Variants in PCDHA9 observed in about 807,000 individuals in gnomAD.
The protein encoded by PCDHA9 is protocadherin alpha-9.
Under a neutral mutation model 62.0 loss-of-function variants are expected in PCDHA9, and 62 were observed. The ratio of observed to expected loss-of-function variants is 1.00; its 90% CI spans 0.81 to 1.23. PCDHA9 has a LOEUF of 1.23. PCDHA9 is among the 50% of genes most tolerant of loss of function. The pLI is 0.00. For synonymous variants in PCDHA9, 557 were observed against 567.6 expected (o/e 0.98, Z 0.27); for missense variants, 1,205 against 1,249.8 (o/e 0.96, Z 0.54).
At position 140,944,281 on chromosome 5, in the gene PCDHA9, G is replaced by A. The variant is rs987563636; in HGVS notation, c.2395-34668G>A. ...CTGCTCACTGCAGCCTTGACACCCC[G>A]GGCTCAAGCGATCCTCCTACCTCAG... On this transcript the variant is annotated intron_variant, in intron 1 of 3. Coordinates refer to ENST00000532602, the MANE Select transcript of PCDHA9 (RefSeq NM_031857.2). Among the ~76,000 whole-genome samples, 18 of 152,138 alleles carry A rather than the reference G, an allele frequency of 1.2e-4. No individual in the cohort carries two copies. The Middle Eastern group carries it at 0.014, about 115-fold the overall frequency.
At chr5:140,887,692 A>G (rs886236141) in intron 1 of PCDHA9, among the ~76,000 whole-genome samples, 1 of 152,126 alleles carries the variant, frequency 6.6e-6, no homozygotes, top group Non-Finnish European at 1.5e-5. Flanking sequence ...ATTCAGGAAA[A>G]AATCAACCAT....
At chr5:140,984,295 A>C (rs1195087908) in intron 3 of PCDHA9, among the ~76,000 whole-genome samples, 3 of 152,208 alleles carry the variant, frequency 2.0e-5, no homozygotes, top group African/African-American at 7.2e-5. Flanking sequence ...CCCATTGGTG[A>C]TGCTGGTTGG....
chr5:140,956,707 C>T (rs1461272130), intron 1 of PCDHA9, among the ~76,000 whole-genome samples: 9 of 152,120 alleles, frequency 5.9e-5, no homozygotes, highest in Non-Finnish European at 1.3e-4. Flanking sequence ...TTTGGAATAG[C>T]TTCAGAAGAA....
intron 1 of PCDHA9, chr5:140,877,568 A>G (rs782021677): frequency 1.9e-6 from 3 of 1,613,708 alleles, no homozygotes; most frequent in Non-Finnish European, 1.7e-6. Context: ...ATTAACGTGT[A>G]CCTCATCATC....
At chr5:140,952,955 A>G (rs1244776708) in intron 1 of PCDHA9, among the ~76,000 whole-genome samples, 1 of 152,044 alleles carries the variant, frequency 6.6e-6, no homozygotes, top group Non-Finnish European at 1.5e-5. Context: ...AGAAGGGGGA[A>G]GTGATACACA....
intron 1 of PCDHA9, among the ~76,000 whole-genome samples, chr5:140,960,655 T>C (rs2153725891): frequency 6.6e-6 from 1 of 152,296 alleles, no homozygotes; most frequent in East Asian, 1.9e-4. Context: ...TCCAAATCAA[T>C]GAATGCTTTG....
At chr5:140,947,083 A>G (rs1268359945) in intron 1 of PCDHA9, among the ~76,000 whole-genome samples, 2 of 151,728 alleles carry the variant, frequency 1.3e-5, no homozygotes, top group Non-Finnish European at 3.0e-5. Context: ...TTGAAACATC[A>G]GACTGTAGCC....
intron 1 of PCDHA9, chr5:140,882,794 G>C: frequency 6.2e-7 from 1 of 1,614,188 alleles, no homozygotes; most frequent in Non-Finnish European, 8.5e-7. Context: ...GGATCCCAAC[G>C]ATTATTTCAC....
chr5:140,942,669 A>G (rs2093352340), intron 1 of PCDHA9, among the ~76,000 whole-genome samples: 1 of 152,212 alleles, frequency 6.6e-6, no homozygotes, highest in South Asian at 2.1e-4. Flanking sequence ...AATAAGCACA[A>G]AAGTTTTAGG....
At position 140,992,285 on chromosome 5, in the gene PCDHA9, A is replaced by G. The variant is rs114469876; in HGVS notation, c.2542+9722A>G. On this transcript the variant is annotated intron_variant, in intron 3 of 3. Transcript: ENST00000532602. ...AGTTCTTTTCGTAGCACATCCCTGCAAAGGATGGGAGTATTGTTTTGGTGG... is the reference window on the plus strand; with the variant it reads ...AGTTCTTTTCGTAGCACATCCCTGCGAAGGATGGGAGTATTGTTTTGGTGG... 2.6e-3 allele frequency among the ~76,000 whole-genome samples: 395 copies of G among 152,336 alleles called. 1 individual carries two copies. The highest frequency in any genetic ancestry group is 8.7e-3 in the African/African-American group (360 of 41,578).
intron 1 of PCDHA9, chr5:140,876,058 C>T (rs781906188): frequency 6.2e-7 from 1 of 1,613,868 alleles, no homozygotes; most frequent in Middle Eastern, 1.6e-4. Context: ...TGAATTAGTT[C>T]TTCGGAAGTT....
At chr5:140,941,505 C>T (rs536733497) in intron 1 of PCDHA9, among the ~76,000 whole-genome samples, 11 of 151,390 alleles carry the variant, frequency 7.3e-5, no homozygotes, top group East Asian at 1.9e-4. Flanking sequence ...TTAGTAGAGA[C>T]GAGGTTTCAC....
rs371718634 is a variant in PCDHA9, at chr5:140,884,469, C to G, written c.2394+33580C>G. ...CCGCCCACCGAGGGCGCGTGCGCGCCGGGCAAGCCCACTCTAGTGTGCTCC... is the reference window on the plus strand; with the variant it reads ...CCGCCCACCGAGGGCGCGTGCGCGCGGGGCAAGCCCACTCTAGTGTGCTCC... On this transcript the variant is annotated intron_variant, in intron 1 of 3. Coordinates refer to ENST00000532602, the MANE Select transcript of PCDHA9 (RefSeq NM_031857.2). 7.7e-5 allele frequency: 124 copies of G among 1,613,648 alleles called. 1 individual carries two copies. The highest frequency in any genetic ancestry group is 9.6e-5 in the Non-Finnish European group (113 of 1,179,828).
At chr5:140,906,933 G>A (rs1214323970) in intron 1 of PCDHA9, among the ~76,000 whole-genome samples, 2 of 152,158 alleles carry the variant, frequency 1.3e-5, no homozygotes, top group African/African-American at 4.8e-5. Flanking sequence ...GTGTCCCGGT[G>A]TCAATCTTAA....
At chr5:140,897,712 G>A (rs1180745180) in intron 1 of PCDHA9, among the ~76,000 whole-genome samples, 3 of 152,162 alleles carry the variant, frequency 2.0e-5, no homozygotes, top group African/African-American at 7.2e-5. Context: ...CCAGTAATGG[G>A]ATGGCTGGGT....
rs781878255 is a variant in PCDHA9 at position 140,856,536 on chromosome 5, A to G, written c.2394+5647A>G. 8.1e-6 allele frequency: 13 copies of G among 1,598,388 alleles called. 1 individual carries two copies. The East Asian group carries it at 2.2e-4, about 27-fold the overall frequency. ...GGCGCATCTGATGCGGATGTTGGAG[A>G]GAACGCATTGCTTACTTACAAACTC... is the stretch of plus-strand genomic sequence containing the variant. On this transcript the variant is annotated intron_variant, in intron 1 of 3. Transcript: ENST00000532602.
At chr5:140,879,237 G>C (rs999977997) in intron 1 of PCDHA9, among the ~76,000 whole-genome samples, 14 of 152,134 alleles carry the variant, frequency 9.2e-5, no homozygotes, top group African/African-American at 3.4e-4. Context: ...TATACAAGAG[G>C]CACTGGCAAA....
rs782441014 is a variant in PCDHA9 at position 140,870,020 on chromosome 5, C to T, written c.2394+19131C>T. On this transcript the variant is annotated intron_variant, in intron 1 of 3. Transcript: ENST00000532602. ...AATGGAGAAGTGAGGGTCAATGGAACTTTAGATTATGAAGAAAACAAGTTT... is the reference window on the plus strand; with the variant it reads ...AATGGAGAAGTGAGGGTCAATGGAATTTTAGATTATGAAGAAAACAAGTTT... The T allele has an allele frequency of 1.9e-6, 3 of 1,613,394 alleles. No individual in the cohort carries two copies. The highest frequency in any genetic ancestry group is 2.7e-5 in the African/African-American group (2 of 74,862).
chr5:140,969,823 T>C (rs782195981), intron 1 of PCDHA9, among the ~76,000 whole-genome samples: 3 of 152,248 alleles, frequency 2.0e-5, no homozygotes, highest in Non-Finnish European at 4.4e-5. Context: ...CTCTGGACTG[T>C]CTACAGTGGA....
Sources: gnomAD v4.1 joint callset for allele counts (sites outside exome capture counted in the v4.1 genomes callset) on GRCh38, gnomAD v4.1.1 for gene constraint, MANE v1.5 for transcripts, NCBI Gene and HGNC (gene_info 2026-07-23, HGNC 2026-07-21) for gene names.